SLC47A1: variants seen among roughly 807,000 people sequenced by gnomAD.
SLC47A1 encodes the protein solute carrier family 47 member 1, also known as multidrug and toxin extrusion protein 1.
Under a neutral mutation model 65.8 loss-of-function variants are expected in SLC47A1, and 58 were observed. The ratio of observed to expected loss-of-function variants is 0.88; its 90% CI spans 0.71 to 1.10. The LOEUF (loss-of-function observed/expected upper bound fraction) is 1.10, where lower values mean the gene tolerates loss of function less well. Ranked by LOEUF, SLC47A1 falls within the 50% of genes least tolerant of loss-of-function variation. The pLI is 0.00. For synonymous variants in SLC47A1, 285 were observed against 295.0 expected, an observed-to-expected ratio of 0.97 and a Z score of 0.35; for missense variants, 706 against 719.2, an observed-to-expected ratio of 0.98 and a Z score of 0.21.
intron 12 of SLC47A1, among the ~76,000 whole-genome samples, chr17:19,561,459 C>T (rs1006053676): frequency 4.0e-5 from 6 of 151,570 alleles, no homozygotes; most frequent in East Asian, 1.9e-4. Context: ...CTGGCTAACA[C>T]GGTGAAACCC....
At chr17:19,572,326 C>T (rs752890024) in intron 15 of SLC47A1, among the ~76,000 whole-genome samples, 18 of 152,046 alleles carry the variant, frequency 1.2e-4, no homozygotes, top group Non-Finnish European at 2.2e-4. Flanking sequence ...CAGGCTCTCA[C>T]TCTGTCACCC....
At chr17:19,535,219 G>A (rs1915960052) in intron 1 of SLC47A1, 1 of 152,226 alleles carries the variant, frequency 6.6e-6, no homozygotes. Flanking sequence ...TGGATCACTT[G>A]AGGTCAGGAG....
intron 2 of SLC47A1, 52 bp from the exon 3 acceptor site, chr17:19,546,383 C>G: frequency 0.014 from 18,611 of 1,325,328 alleles, no homozygotes; most frequent in Non-Finnish European, 0.018. Context: ...GGGATTTTGT[C>G]TTCCTTTCCT....
chr17:19,572,986 A>G, intron 16 of SLC47A1, 125 bp downstream of exon 16: 1 of 774,314 alleles, frequency 1.3e-6, no homozygotes, highest in South Asian at 1.6e-5. Flanking sequence ...ATGTTTCAGA[A>G]ACACATGATA....
chr17:19,553,458 C>T (rs1488783665), intron 6 of SLC47A1, among the ~76,000 whole-genome samples: 1 of 152,098 alleles, frequency 6.6e-6, no homozygotes, highest in East Asian at 1.9e-4. Context: ...TCTTTCCTTC[C>T]CTCCCACATC....
rs9916406 is a variant in SLC47A1 at position 19,577,971 on chromosome 17, A to G, written c.*418A>G. On this transcript the variant is annotated 3_prime_UTR_variant, in exon 17 of 17. Transcript: ENST00000270570. ...GATTACTATTCACTGGGCAAATGGT[A>G]TTTGTTTTTGTTTTAATTTTTTTTT... 441 of 1,284,050 alleles carry G rather than the reference A, an allele frequency of 3.4e-4. 3 individuals carry two copies. The African/African-American group carries it at 6.1e-3, about 18-fold the overall frequency. 79.5% of individuals were successfully genotyped at this position (1,284,050 alleles called of 1,614,324 possible). A position where few individuals can be genotyped will look rare whatever the true frequency, so the allele number is the denominator to read the frequency against.
intron 1 of SLC47A1, chr17:19,535,119 C>G (rs1915956488): frequency 6.6e-6 from 1 of 152,304 alleles, no homozygotes; most frequent in African/African-American, 2.4e-5. Flanking sequence ...ATCAGCCATG[C>G]TTTCTCACAG....
In SLC47A1 at chr17:19,538,154, G is replaced by A. The variant is rs115355321; in HGVS notation, c.135+4080G>A. On this transcript the variant is annotated intron_variant, in intron 1 of 16. Transcript: ENST00000270570. ...ACGGATTGCGAGAGTCCTGACTTGCGTGGGACGCATGCTATCCCCGTGCTG... is the reference window on the plus strand; with the variant it reads ...ACGGATTGCGAGAGTCCTGACTTGCATGGGACGCATGCTATCCCCGTGCTG... Among the ~76,000 whole-genome samples, 833 of 152,346 alleles carry A rather than the reference G, an allele frequency of 5.5e-3. 7 individuals carry two copies. The highest frequency in any genetic ancestry group is 0.019 in the African/African-American group (781 of 41,558).
At chr17:19,561,746 G>T (rs1375639058) in intron 12 of SLC47A1, among the ~76,000 whole-genome samples, 2 of 152,224 alleles carry the variant, frequency 1.3e-5, no homozygotes, top group East Asian at 3.9e-4. Context: ...AACTTAATGG[G>T]CATTGGTAAT....
chr17:19,551,430 T>G lies in SLC47A1; in HGVS notation c.505T>G (p.Phe169Val), dbSNP rs1916445647. ...CTCTCTTGTTCTCTTGTAGGCAACC[T>G]TTCTTTATATGTTACAAGTTAAATA... ...TIFIPALPATFLYMLQVKYLL... is the reference protein window; with the variant it reads ...TIFIPALPATVLYMLQVKYLL... The change falls in exon 6 of 17, where the codon TTT becomes GTT. Residue 169 changes from phenylalanine (F) to valine (V), a missense_variant. Coordinates refer to ENST00000270570, the MANE Select transcript of SLC47A1 (RefSeq NM_018242.3). 1 of 1,608,352 alleles carries G rather than the reference T, an allele frequency of 6.2e-7. No homozygotes were observed. The highest frequency in any genetic ancestry group is 1.3e-5 in the African/African-American group (1 of 74,826).
intron 10 of SLC47A1, among the ~76,000 whole-genome samples, chr17:19,558,451 G>C (rs1466273326): frequency 6.6e-6 from 1 of 150,808 alleles, no homozygotes. Context: ...ACTTGTTGGT[G>C]GTTGTTTTTA....
chr17:19,550,317 G>C (rs1916410849), intron 5 of SLC47A1, among the ~76,000 whole-genome samples: 1 of 151,842 alleles, frequency 6.6e-6, no homozygotes, highest in Non-Finnish European at 1.5e-5. Flanking sequence ...ACAGGGTCTT[G>C]CTAATTTTTT....
At chr17:19,565,577 C>CTTTTTT (rs11362429) in intron 12 of SLC47A1, among the ~76,000 whole-genome samples, 3 of 95,550 alleles carry the variant, frequency 3.1e-5, no homozygotes, top group African/African-American at 4.2e-5. Context: ...GTCTGAAAAT[C>CTTTTTT]TTTTTTTTTT....
In SLC47A1 at chr17:19,536,256, T is replaced by C. The variant is rs937500629; in HGVS notation, c.135+2182T>C. ...TGTTATTGCTTTAATAGTATAGCAA[T>C]AATAATAATAATAATAATAATAATA... On this transcript the variant is annotated intron_variant, in intron 1 of 16. Transcript: ENST00000270570. Among the ~76,000 whole-genome samples, 78 of 148,876 alleles carry C rather than the reference T, an allele frequency of 5.2e-4. No individual in the cohort carries two copies. The East Asian group carries it at 0.014, about 26-fold the overall frequency.
intron 1 of SLC47A1, among the ~76,000 whole-genome samples, chr17:19,537,681 A>G (rs552262267): frequency 2.0e-5 from 3 of 152,288 alleles, no homozygotes; most frequent in Admixed American, 1.3e-4. Flanking sequence ...TCATGCTCCA[A>G]ATGGAGCCAC....
chr17:19,533,903 C>G lies in SLC47A1; in HGVS notation c.-37C>G. 5 of 1,460,118 alleles carry G rather than the reference C, an allele frequency of 3.4e-6. No homozygotes were observed. The highest frequency in any genetic ancestry group is 4.5e-6 in the Non-Finnish European group (5 of 1,110,660). The allele number at this position is 1,460,118 out of a possible 1,614,324, so 90.4% of individuals were successfully genotyped here. A position where few individuals can be genotyped will look rare whatever the true frequency, so the allele number is the denominator to read the frequency against. ...TGCCGGCCTCCGCGGTACCCACTGC[C>G]GGCCTCCGCGCTACCCGGCCGCAGC... On this transcript the variant is annotated 5_prime_UTR_variant, in exon 1 of 17. Coordinates refer to ENST00000270570, the MANE Select transcript of SLC47A1 (RefSeq NM_018242.3).
At chr17:19,567,068 A>G in intron 13 of SLC47A1, 28 bp from the exon 14 acceptor site, 1 of 1,614,158 alleles carries the variant, frequency 6.2e-7, no homozygotes, top group Non-Finnish European at 8.5e-7. Context: ...GGATGTGTTC[A>G]CAGTGATGGA....
intron 12 of SLC47A1, among the ~76,000 whole-genome samples, chr17:19,563,748 G>A: frequency 6.6e-6 from 1 of 151,910 alleles, no homozygotes; most frequent in East Asian, 2.0e-4. Flanking sequence ...CAGCACTTTG[G>A]GAGGCCGAGG....
intron 6 of SLC47A1, among the ~76,000 whole-genome samples, chr17:19,552,080 G>C (rs190359116): frequency 1.3e-5 from 2 of 152,216 alleles, no homozygotes; most frequent in Non-Finnish European, 2.9e-5. Flanking sequence ...AGGGGTACTC[G>C]GCAATGGATC....
Sources: allele counts gnomAD v4.1 joint callset (sites outside exome capture counted in the v4.1 genomes callset), GRCh38; gene constraint gnomAD v4.1.1; transcripts MANE v1.5; gene names NCBI Gene and HGNC (gene_info 2026-07-23, HGNC 2026-07-21).